MYOF: variants seen among roughly 807,000 people sequenced by gnomAD.
MYOF encodes the protein fer-1-like 3, myoferlin.
In MYOF, 244 loss-of-function variants were observed where a neutral mutation model predicts 284.2. That is an observed-to-expected ratio of 0.86 (90% CI 0.77 to 0.95). The LOEUF is 0.95. MYOF is among the 40% of genes least tolerant of loss of function. The probability of loss-of-function intolerance (pLI) is 0.00; values close to 1 mark genes in which losing one functional copy is unlikely to be tolerated. For missense variants in MYOF, 2,496 were observed against 2,560.6 expected (o/e 0.97, Z 0.54); for synonymous variants, 904 against 919.7 (o/e 0.98, Z 0.31).
intron 1 of MYOF, among the ~76,000 whole-genome samples, chr10:93,480,136 T>TTAA (rs1428112075): frequency 6.6e-6 from 1 of 152,204 alleles, no homozygotes; most frequent in Non-Finnish European, 1.5e-5. Context: ...TATGTCTCTA[T>TTAA]TATGTAACTG....
intron 1 of MYOF, among the ~76,000 whole-genome samples, chr10:93,459,706 C>T (rs369093478): frequency 9.9e-5 from 15 of 152,274 alleles, no homozygotes; most frequent in Admixed American, 4.6e-4. Context: ...TTTATGGTTG[C>T]GTTCCAGGGT....
At chr10:93,433,854 TC>T (rs1386728124) in intron 3 of MYOF, among the ~76,000 whole-genome samples, 2 of 152,218 alleles carry the variant, frequency 1.3e-5, no homozygotes, top group African/African-American at 2.4e-5. Context: ...TCCCCAATCC[TC>T]TTCAGTCTTC....
chr10:93,408,751 C>G (rs377173663), intron 7 of MYOF, 36 bp downstream of exon 7: 2 of 1,613,294 alleles, frequency 1.2e-6, no homozygotes, highest in Non-Finnish European at 1.7e-6. Flanking sequence ...CCCAGTGGGA[C>G]TCATGAGCAG....
At chr10:93,465,479 G>A (rs1031733830) in intron 1 of MYOF, among the ~76,000 whole-genome samples, 2 of 151,580 alleles carry the variant, frequency 1.3e-5, no homozygotes, top group Admixed American at 6.6e-5. Context: ...CTAAACAAAT[G>A]AGAGCTATCA....
In MYOF at chr10:93,429,063, T is replaced by C. The variant is rs186892767; in HGVS notation, c.345+2345A>G. ...TGAAATGTGACCTCCAATAGTGGAG[T>C]TGGGCCCTGGTGGGAGTTTTTGGGT... On this transcript the variant is annotated intron_variant, in intron 4 of 53. Transcript: ENST00000359263. Among the ~76,000 whole-genome samples the C allele has an allele frequency of 8.6e-4, 131 of 152,214 alleles. 1 individual carries two copies. Among genetic ancestry groups the C allele is most frequent in the African/African-American group, 2.9e-3 (120 of 41,528 alleles).
chr10:93,382,864 C>A (rs889884396), intron 19 of MYOF, among the ~76,000 whole-genome samples: 2 of 152,132 alleles, frequency 1.3e-5, no homozygotes, highest in South Asian at 2.1e-4. Flanking sequence ...TCTCTGCGTT[C>A]AATTATTTTG....
intron 43 of MYOF, among the ~76,000 whole-genome samples, chr10:93,331,487 T>C (rs1490340378): frequency 2.0e-5 from 3 of 152,144 alleles, no homozygotes; most frequent in Non-Finnish European, 4.4e-5. Flanking sequence ...AGACGAGCAA[T>C]TCAGACAGGG....
At position 93,373,079 on chromosome 10, in the gene MYOF, T is replaced by A. The variant is rs774814427; in HGVS notation, c.2308A>T (p.Asn770Tyr). 5 of 1,614,214 alleles carry A rather than the reference T, an allele frequency of 3.1e-6. No homozygotes were observed. The South Asian group carries it at 5.5e-5, about 18-fold the overall frequency. The change falls in exon 24 of 54, where the codon AAC (asparagine) becomes TAC (tyrosine). Residue 770 changes from asparagine to tyrosine, a missense_variant. Physicochemically the swap from Asn to Tyr is moderately radical, Grantham distance 143. Coordinates refer to ENST00000359263, the MANE Select transcript of MYOF (RefSeq NM_013451.4). ...KLMQLTEEPQNSMPDIIIWMI... is the reference protein window; with the variant it reads ...KLMQLTEEPQYSMPDIIIWMI... ...CAGATGATGATGTCAGGCATGCTGT[T>A]CTGTGGCTGGTCATGAGGATTGGAT...
At chr10:93,343,343 A>G (rs571465383) in intron 38 of MYOF, among the ~76,000 whole-genome samples, 23 of 152,278 alleles carry the variant, frequency 1.5e-4, no homozygotes, top group African/African-American at 4.8e-4. Context: ...TGTCCCATAC[A>G]CTGATAAATA....
rs766673403 is a variant in MYOF at position 93,361,527 on chromosome 10, A to G, written c.2899T>C (p.Leu967=). Residue 967 remains leucine, a synonymous_variant, in exon 28 of 54, where the codon TTG becomes CTG. Coordinates refer to ENST00000359263, the MANE Select transcript of MYOF (RefSeq NM_013451.4). ...NGDKAASPSE[L]TCPPGWEWED... ...CATTCCCAACCTGGAGGACAAGTCA[A>G]CTCGCTGGGTGATGCTGCTTTATCG... is the stretch of plus-strand genomic sequence containing the variant. 1.7e-5 allele frequency: 27 copies of G among 1,614,200 alleles called. No homozygotes were observed. The East Asian group carries it at 1.8e-4, about 11-fold the overall frequency.
intron 51 of MYOF, among the ~76,000 whole-genome samples, chr10:93,312,514 TTTG>T (rs1320313812): frequency 2.0e-5 from 3 of 152,064 alleles, no homozygotes; most frequent in Non-Finnish European, 2.9e-5. Context: ...ACTGGCTATT[TTTG>T]TTGTTGTTGT....
chr10:93,351,685 G>C lies in MYOF; in HGVS notation c.3643C>G (p.Leu1215Val). The C allele has an allele frequency of 1.9e-6, 3 of 1,586,104 alleles. No individual in the cohort carries two copies. Among genetic ancestry groups the C allele is most frequent in the Non-Finnish European group, 2.6e-6 (3 of 1,168,384 alleles). ...LQNPPKVIMELFDNDQVGKDE... is the reference protein window; with the variant it reads ...LQNPPKVIMEVFDNDQVGKDE... ...CCTACCACTTGGTCATTGTCAAAAA[G>C]TTCCATGATAACTTTGGGTGGATTC... Residue 1215 changes from leucine to valine, a missense_variant, in exon 33 of 54, where the codon CTT becomes GTT. Physicochemically the swap from Leu to Val is conservative, Grantham distance 32. Around this residue, in one of 3 missense-constraint regions of MYOF, gnomAD observed 2,436 missense variants for 2,480.7 expected, o/e 0.98. Coordinates refer to ENST00000359263, the MANE Select transcript of MYOF (RefSeq NM_013451.4).
chr10:93,452,647 A>T (rs1439322219), intron 2 of MYOF, among the ~76,000 whole-genome samples: 2 of 151,982 alleles, frequency 1.3e-5, no homozygotes, highest in African/African-American at 2.4e-5. Context: ...TGGCACATGT[A>T]TACATATGTA....
intron 3 of MYOF, among the ~76,000 whole-genome samples, chr10:93,443,620 G>T (rs2056342444): frequency 6.6e-6 from 1 of 151,980 alleles, no homozygotes; most frequent in South Asian, 2.1e-4. Context: ...CCCTTTTCTT[G>T]CATTGCAGCA....
chr10:93,310,038 C>A lies in MYOF; in HGVS notation c.6129G>T (p.Val2043=). The A allele has an allele frequency of 1.2e-6, 2 of 1,614,078 alleles. No individual in the cohort carries two copies. Among genetic ancestry groups the A allele is most frequent in the Non-Finnish European group, 1.7e-6 (2 of 1,180,020 alleles). ...CTCCTACCGGCAAAGAGTAGAGGAG[C>A]ACGGCCACGAAGAGCAGCAGGATAA... is the stretch of plus-strand genomic sequence containing the variant. ...FLLILLLFVA[V]LLYSLPNYLS... The change falls in exon 53 of 54, where the codon GTG becomes GTT. Residue 2043 remains valine, a synonymous_variant. Coordinates refer to ENST00000359263, the MANE Select transcript of MYOF (RefSeq NM_013451.4).
At chr10:93,412,243 G>A (rs948773086) in intron 5 of MYOF, among the ~76,000 whole-genome samples, 3 of 152,184 alleles carry the variant, frequency 2.0e-5, no homozygotes, top group Admixed American at 2.0e-4. Flanking sequence ...CAGGCTGTAG[G>A]TGAAGGACAT....
intron 17 of MYOF, among the ~76,000 whole-genome samples, chr10:93,391,616 C>CA (rs1372325713): frequency 1.3e-5 from 2 of 151,464 alleles, no homozygotes; most frequent in East Asian, 3.9e-4. Context: ...AAGAAAGAAA[C>CA]AAAAAAAGAA....
chr10:93,362,776 C>G (rs1235327301), intron 27 of MYOF, among the ~76,000 whole-genome samples: 1 of 152,234 alleles, frequency 6.6e-6, no homozygotes, highest in East Asian at 1.9e-4. Flanking sequence ...ACCACTTATT[C>G]ATGTGGCAAA....
chr10:93,389,153 T>C lies in MYOF; in HGVS notation c.1458A>G (p.Val486=). ...SSGTGAASYT[V]NTGETEVGFV... is the part of the protein sequence containing the mutation. ...AGCCTACCTCTGTTTCTCCTGTGTT[T>C]ACTGAGAGAGAAACATCATCATGAG... The change falls in exon 18 of 54, where the codon GTA becomes GTG. Residue 486 remains valine, a splice_region_variant and synonymous_variant. Transcript: ENST00000359263. 6.2e-7 allele frequency: 1 copy of C among 1,612,782 alleles called. No homozygotes were observed. The highest frequency in any genetic ancestry group is 8.5e-7 in the Non-Finnish European group (1 of 1,179,584).
Sources: gnomAD v4.1 joint callset for allele counts (sites outside exome capture counted in the v4.1 genomes callset) on GRCh38, gnomAD v4.1.1 for gene constraint, gnomAD v4.1.1 regional missense constraint, MANE v1.5 for transcripts, NCBI Gene and HGNC (gene_info 2026-07-23, HGNC 2026-07-21) for gene names.